YAP1: variants seen among roughly 807,000 people sequenced by gnomAD.
YAP1 encodes Yes1 associated transcriptional regulator, also known as transcriptional coactivator YAP1.
A neutral mutation model predicts 56.9 loss-of-function variants in YAP1; 5 were observed. That is an observed-to-expected ratio of 0.09 (90% CI 0.05 to 0.18). The LOEUF is 0.18. Ranked by LOEUF, YAP1 falls within the 10% of genes least tolerant of loss-of-function variation. The probability of loss-of-function intolerance (pLI) is 1.00; values close to 1 mark genes in which losing one functional copy is unlikely to be tolerated. For synonymous variants in YAP1, 265 were observed against 248.1 expected, an observed-to-expected ratio of 1.07 and a Z score of -0.64; for missense variants, 539 against 651.8, an observed-to-expected ratio of 0.83 and a Z score of 1.88.
At chr11:102,113,615 GT>G (rs1943099920) in intron 1 of YAP1, among the ~76,000 whole-genome samples, 1 of 151,992 alleles carries the variant, frequency 6.6e-6, no homozygotes, top group African/African-American at 2.4e-5. Context: ...TAAAATTTGT[GT>G]AATTTGTTAT....
At chr11:102,220,597 G>GA (rs1271925218) in intron 6 of YAP1, among the ~76,000 whole-genome samples, 3 of 150,184 alleles carry the variant, frequency 2.0e-5, no homozygotes, top group Non-Finnish European at 3.0e-5. Flanking sequence ...TAGGGAAGGA[G>GA]AAAAAAAAAT....
At chr11:102,136,507 G>A (rs552337989) in intron 2 of YAP1, among the ~76,000 whole-genome samples, 1 of 151,836 alleles carries the variant, frequency 6.6e-6, no homozygotes, top group Admixed American at 6.6e-5. Flanking sequence ...CCGTGCCTGG[G>A]TAATTTTGTT....
intron 3 of YAP1, among the ~76,000 whole-genome samples, chr11:102,182,400 A>C (rs1328782535): frequency 6.6e-6 from 1 of 152,180 alleles, no homozygotes; most frequent in African/African-American, 2.4e-5. Flanking sequence ...ACCTTCCTGC[A>C]TCCTAACCCT....
At chr11:102,225,411 G>C (rs575634728) in intron 7 of YAP1, among the ~76,000 whole-genome samples, 1 of 152,236 alleles carries the variant, frequency 6.6e-6, no homozygotes. Flanking sequence ...CTTGAACCCG[G>C]GAGGCAGAGG....
intron 3 of YAP1, among the ~76,000 whole-genome samples, chr11:102,164,897 T>G (rs940947592): frequency 6.6e-6 from 1 of 152,184 alleles, no homozygotes; most frequent in Non-Finnish European, 1.5e-5. Flanking sequence ...TAATTTTGTA[T>G]TTTTAGTAGA....
At chr11:102,158,370 A>AG (rs1451337974) in intron 2 of YAP1, among the ~76,000 whole-genome samples, 1 of 152,194 alleles carries the variant, frequency 6.6e-6, no homozygotes. Context: ...TTTACCCTCC[A>AG]GGCATATGTC....
intron 1 of YAP1, among the ~76,000 whole-genome samples, 160 bp from the exon 2 acceptor site, chr11:102,113,984 T>G (rs1221713168): frequency 6.6e-6 from 1 of 152,122 alleles, no homozygotes; most frequent in Non-Finnish European, 1.5e-5. Context: ...ATTAAAAGTA[T>G]CCATTTGAAA....
Position 102,230,059 on chromosome 11 carries a change from C to T in YAP1, c.*119C>T, listed in dbSNP as rs753474451. Reference sequence around the variant, plus strand: ...ATACAGAAAAAGATGAACAAACGTCCAGCAAGATACTTTAATCCTCTATTT... The same window carrying T: ...ATACAGAAAAAGATGAACAAACGTCTAGCAAGATACTTTAATCCTCTATTT... On this transcript the variant is annotated 3_prime_UTR_variant, in exon 9 of 9. Transcript: ENST00000282441. 3.7e-6 allele frequency: 3 copies of T among 816,040 alleles called. No individual in the cohort carries two copies. The highest frequency in any genetic ancestry group is 6.0e-6 in the Non-Finnish European group (3 of 502,602). 50.5% of individuals were successfully genotyped at this position (816,040 alleles called of 1,614,324 possible).
At chr11:102,112,182 C>A (rs904390844) in intron 1 of YAP1, among the ~76,000 whole-genome samples, 3 of 152,204 alleles carry the variant, frequency 2.0e-5, no homozygotes, top group African/African-American at 7.2e-5. Context: ...CTGCCTAGTT[C>A]AACTGTGATT....
chr11:102,208,926 C>A (rs1002304917), intron 5 of YAP1, among the ~76,000 whole-genome samples: 17 of 152,130 alleles, frequency 1.1e-4, no homozygotes, highest in African/African-American at 4.1e-4. Flanking sequence ...AAAACTCTTC[C>A]TTCCAAAGAT....
intron 3 of YAP1, among the ~76,000 whole-genome samples, chr11:102,176,832 G>A (rs1816876903): frequency 6.6e-6 from 1 of 151,004 alleles, no homozygotes; most frequent in South Asian, 2.1e-4. Flanking sequence ...CAGGCTTTGG[G>A]GTGGACATAC....
chr11:102,196,130 C>G (rs1256043313), intron 4 of YAP1, among the ~76,000 whole-genome samples: 1 of 152,182 alleles, frequency 6.6e-6, no homozygotes, highest in Non-Finnish European at 1.5e-5. Context: ...AATAGAATGA[C>G]AGTTCCTCAA....
intron 2 of YAP1, 106 bp downstream of exon 2, chr11:102,114,500 T>C: frequency 1.5e-6 from 2 of 1,342,566 alleles, no homozygotes; most frequent in South Asian, 1.5e-5. Flanking sequence ...TTATGTTTTA[T>C]TTAATATTTA....
At chr11:102,228,733 C>T (rs1289212148) in intron 8 of YAP1, among the ~76,000 whole-genome samples, 4 of 151,764 alleles carry the variant, frequency 2.6e-5, no homozygotes, top group African/African-American at 9.7e-5. Flanking sequence ...AGCATTTCTC[C>T]TGTGGCTTAC....
chr11:102,225,984 A>G lies in YAP1; in HGVS notation c.1164-1485A>G, dbSNP rs113480932. Among the ~76,000 whole-genome samples, 225 of 152,328 alleles carry G rather than the reference A, an allele frequency of 1.5e-3. 2 individuals are homozygous for G. The highest frequency in any genetic ancestry group is 5.1e-3 in the African/African-American group (213 of 41,566). On this transcript the variant is annotated intron_variant, in intron 7 of 8. Coordinates refer to ENST00000282441, the MANE Select transcript of YAP1 (RefSeq NM_001130145.3). Reference sequence around the variant, plus strand: ...TTCCTCACCAGGAAAATGGCCCTGTAAACTCTGTCCTCAGGAATGCCCATG... The same window carrying G: ...TTCCTCACCAGGAAAATGGCCCTGTGAACTCTGTCCTCAGGAATGCCCATG...
intron 3 of YAP1, among the ~76,000 whole-genome samples, chr11:102,170,382 A>G (rs1946835186): frequency 6.6e-6 from 1 of 152,176 alleles, no homozygotes; most frequent in African/African-American, 2.4e-5. Flanking sequence ...CAGTTTGAGT[A>G]TCATGATTAT....
chr11:102,162,703 C>A, intron 3 of YAP1, 132 bp downstream of exon 3: 1 of 836,190 alleles, frequency 1.2e-6, no homozygotes, highest in Non-Finnish European at 1.9e-6. Flanking sequence ...CAGTTTCATA[C>A]AGAAGACATA....
chr11:102,192,874 C>G (rs932883464), intron 4 of YAP1, among the ~76,000 whole-genome samples: 3 of 152,156 alleles, frequency 2.0e-5, no homozygotes, highest in African/African-American at 2.4e-5. Flanking sequence ...AGCCTTTAAT[C>G]TAAAGATAAG....
intron 3 of YAP1, among the ~76,000 whole-genome samples, chr11:102,179,215 T>G (rs4754041): frequency 6.6e-6 from 1 of 151,922 alleles, no homozygotes; most frequent in Non-Finnish European, 1.5e-5. Flanking sequence ...GGGCCTACTT[T>G]TAATCTTTTC....
Sources: gnomAD v4.1 joint callset for allele counts (sites outside exome capture counted in the v4.1 genomes callset) on GRCh38, gnomAD v4.1.1 for gene constraint, MANE v1.5 for transcripts, NCBI Gene and HGNC (gene_info 2026-07-23, HGNC 2026-07-21) for gene names.